The following PARD3 variants were observed in gnomAD, a reference collection of about 807,000 sequenced individuals.
PARD3 encodes partitioning defective 3 homolog.
PARD3 carries 75 observed loss-of-function variants against 155.4 expected under a neutral mutation model. That is an observed-to-expected ratio of 0.48 (90% CI 0.40 to 0.58). The LOEUF is 0.58. PARD3 is among the 20% of genes least tolerant of loss of function. The pLI, the probability that PARD3 is intolerant of heterozygous loss-of-function variation, is 0.00. For synonymous variants in PARD3, 576 were observed against 610.5 expected, an observed-to-expected ratio of 0.94 and a Z score of 0.83; for missense variants, 1,642 against 1,721.7, an observed-to-expected ratio of 0.95 and a Z score of 0.82.
intron 2 of PARD3, among the ~76,000 whole-genome samples, chr10:34,610,506 G>T (rs1217360128): frequency 2.0e-5 from 3 of 152,142 alleles, no homozygotes; most frequent in African/African-American, 7.2e-5. Context: ...AACCCAAAAA[G>T]GGTTACGTGT....
intron 22 of PARD3, among the ~76,000 whole-genome samples, chr10:34,161,762 C>T (rs573398347): frequency 4.7e-4 from 72 of 152,272 alleles, no homozygotes; most frequent in Non-Finnish European, 9.0e-4. Flanking sequence ...AGTGCCCAAC[C>T]CATTCATTAA....
intron 2 of PARD3, among the ~76,000 whole-genome samples, chr10:34,682,530 C>T (rs991582157): frequency 5.9e-5 from 9 of 152,090 alleles, no homozygotes; most frequent in Non-Finnish European, 1.5e-5. Context: ...ACACAAATAT[C>T]TAGGATAGCC....
At chr10:34,667,615 G>A (rs558121155) in intron 2 of PARD3, among the ~76,000 whole-genome samples, 18 of 152,316 alleles carry the variant, frequency 1.2e-4, no homozygotes, top group Admixed American at 5.9e-4. Flanking sequence ...TAGCCATATT[G>A]GAAAAGTATT....
At chr10:34,414,975 T>G (rs1023571251) in intron 5 of PARD3, among the ~76,000 whole-genome samples, 1 of 152,156 alleles carries the variant, frequency 6.6e-6, no homozygotes, top group East Asian at 1.9e-4. Context: ...GATGCAGACA[T>G]GCAGATTCAT....
intron 16 of PARD3, among the ~76,000 whole-genome samples, chr10:34,339,672 A>T (rs1167406587): frequency 6.6e-6 from 1 of 152,228 alleles, no homozygotes; most frequent in African/African-American, 2.4e-5. Context: ...GTAAACAAGT[A>T]AGTTTAGCCA....
intron 2 of PARD3, among the ~76,000 whole-genome samples, chr10:34,567,776 C>T (rs1007017354): frequency 3.9e-5 from 6 of 152,126 alleles, no homozygotes; most frequent in African/African-American, 1.4e-4. Context: ...TACAGCTGGA[C>T]GTGAAGCTAT....
At chr10:34,799,580 T>C (rs1033113807) in intron 1 of PARD3, among the ~76,000 whole-genome samples, 1 of 152,126 alleles carries the variant, frequency 6.6e-6, no homozygotes, top group Non-Finnish European at 1.5e-5. Flanking sequence ...AAAACCCTGT[T>C]CTTCTCCCGC....
At chr10:34,715,525 C>T (rs2094507357) in intron 1 of PARD3, among the ~76,000 whole-genome samples, 3 of 152,180 alleles carry the variant, frequency 2.0e-5, no homozygotes, top group Admixed American at 2.0e-4. Flanking sequence ...GCCATCCCTA[C>T]CCCTTCCCTT....
At chr10:34,458,548 G>A (rs1311067934) in intron 4 of PARD3, among the ~76,000 whole-genome samples, 4 of 152,118 alleles carry the variant, frequency 2.6e-5, no homozygotes, top group Admixed American at 2.6e-4. Context: ...CCAGGAGCTT[G>A]AGACTGTAGT....
chr10:34,285,395 G>A (rs375584689), intron 20 of PARD3, among the ~76,000 whole-genome samples: 1 of 152,012 alleles, frequency 6.6e-6, no homozygotes, highest in Admixed American at 6.6e-5. Flanking sequence ...GGGCAACATA[G>A]CGAGACCTCG....
intron 5 of PARD3, among the ~76,000 whole-genome samples, chr10:34,432,337 TACACACAC>T (rs71917947): frequency 0.22 from 31,372 of 143,484 alleles, 3,647 homozygotes; most frequent in Non-Finnish European, 0.28. Flanking sequence ...CACGTGCACA[TACACACAC>T]ACACACACAC....
chr10:34,567,812 C>A (rs573738487), intron 2 of PARD3, among the ~76,000 whole-genome samples: 47 of 152,298 alleles, frequency 3.1e-4, no homozygotes, highest in Admixed American at 1.4e-3. Flanking sequence ...AAGCTTTGCA[C>A]AATAGATGTG....
chr10:34,269,011 C>T (rs1002486183), intron 22 of PARD3, among the ~76,000 whole-genome samples: 2 of 152,140 alleles, frequency 1.3e-5, no homozygotes, highest in African/African-American at 4.8e-5. Flanking sequence ...AATATCCTGA[C>T]ATGATCATTA....
At position 34,570,589 on chromosome 10, in the gene PARD3, G is replaced by A. The variant is rs539893784; in HGVS notation, c.223-53430C>T. On this transcript the variant is annotated intron_variant, in intron 2 of 24. Coordinates refer to ENST00000374788, the MANE Select transcript of PARD3 (RefSeq NM_001184785.2). ...CCCCTCCAATTTAGACTAAAGTTTC[G>A]ATGCCTTGGGAATCTGGGTGCTCTT... Among the ~76,000 whole-genome samples the A allele has an allele frequency of 4.8e-4, 73 of 152,304 alleles. No homozygotes were observed. The East Asian group carries it at 6.2e-3, about 13-fold the overall frequency.
chr10:34,523,654 A>G (rs1233396614), intron 2 of PARD3, among the ~76,000 whole-genome samples: 2 of 152,210 alleles, frequency 1.3e-5, no homozygotes, highest in Non-Finnish European at 2.9e-5. Context: ...TCATGGGCAG[A>G]TGTGCCTATA....
intron 2 of PARD3, among the ~76,000 whole-genome samples, chr10:34,532,252 T>C (rs116739194): frequency 0.025 from 3,861 of 152,250 alleles, 156 homozygotes; most frequent in African/African-American, 0.088. Context: ...TAAATTTTTT[T>C]CCTTATCTCG....
intron 2 of PARD3, among the ~76,000 whole-genome samples, chr10:34,599,292 A>ACCCAC (rs2089567464): frequency 6.6e-6 from 1 of 152,140 alleles, no homozygotes; most frequent in Non-Finnish European, 1.5e-5. Context: ...GGGTTAAACA[A>ACCCAC]ATGATAGCTA....
intron 22 of PARD3, among the ~76,000 whole-genome samples, chr10:34,146,898 C>T (rs751784919): frequency 5.3e-5 from 8 of 152,118 alleles, no homozygotes; most frequent in African/African-American, 1.2e-4. Context: ...GTGGCTAAGG[C>T]GTGCAAATCG....
At chr10:34,488,674 C>T (rs1440296353) in intron 3 of PARD3, 1 of 152,936 alleles carries the variant, frequency 6.5e-6, no homozygotes, top group Non-Finnish European at 1.5e-5. Flanking sequence ...CCTGGAAGCC[C>T]AGCACCGCTG....
Sources: allele counts gnomAD v4.1 joint callset (sites outside exome capture counted in the v4.1 genomes callset), GRCh38; gene constraint gnomAD v4.1.1; transcripts MANE v1.5; gene names NCBI Gene and HGNC (gene_info 2026-07-23, HGNC 2026-07-21).